ADORA3: variants seen among roughly 807,000 people sequenced by gnomAD.
The protein encoded by ADORA3 is adenosine receptor A3.
ADORA3 carries 3 observed loss-of-function variants against 5.7 expected under a neutral mutation model. The ratio of observed to expected loss-of-function variants is 0.52; its 90% CI spans 0.24 to 1.35. The LOEUF (loss-of-function observed/expected upper bound fraction) is 1.35, where lower values mean the gene tolerates loss of function less well. Among genes scored for constraint, ADORA3 ranks in the 40% most tolerant of loss-of-function variants. The pLI is 0.17. For synonymous variants in ADORA3, 168 were observed against 152.3 expected, an observed-to-expected ratio of 1.10 and a Z score of -0.76; for missense variants, 343 against 389.0, an observed-to-expected ratio of 0.88 and a Z score of 0.99.
chr1:111,502,231 A>AAT lies in ADORA3; in HGVS notation c.350+772_350+773dup, dbSNP rs1352318283. Among the ~76,000 whole-genome samples the AAT allele has an allele frequency of 2.3e-4, 5 of 21,642 alleles. 1 individual carries two copies. The highest frequency in any genetic ancestry group is 4.4e-4 in the African/African-American group (4 of 9,058). The allele number at this position is 21,642 out of a possible 152,430, so 14.2% of individuals were successfully genotyped here. A position where few individuals can be genotyped will look rare whatever the true frequency, so the allele number is the denominator to read the frequency against. ...TATAGGATATATATTTATTATAATGAATATATAGGATATATTTATTATAAT... is the reference window on the plus strand; with the variant it reads ...TATAGGATATATATTTATTATAATGAATATATATAGGATATATTTATTATAAT... On this transcript the variant is annotated intron_variant, in intron 1 of 1. Coordinates refer to ENST00000241356, the MANE Select transcript of ADORA3 (RefSeq NM_000677.4).
At position 111,503,000 on chromosome 1, in the gene ADORA3, G is replaced by A. The variant is rs201612047; in HGVS notation, c.350+5C>T. On this transcript the variant is annotated splice_donor_5th_base_variant and intron_variant, in intron 1 of 1. Transcript: ENST00000241356. ...AATTGCTGCCCACCCCACGCCGCAGGCTACCTGACGGTAAGCTTGACCCGC... is the reference window on the plus strand; with the variant it reads ...AATTGCTGCCCACCCCACGCCGCAGACTACCTGACGGTAAGCTTGACCCGC... 37 of 1,611,856 alleles carry A rather than the reference G, an allele frequency of 2.3e-5. No homozygotes were observed. In the Middle Eastern group the frequency reaches 8.5e-4, roughly 37 times the overall value.
At chr1:111,502,175 A>AT (rs1557824191) in intron 1 of ADORA3, among the ~76,000 whole-genome samples, 33 of 32,914 alleles carry the variant, frequency 1.0e-3, no homozygotes, top group Non-Finnish European at 1.2e-3. Context: ...TATTATAATA[A>AT]ATATATAGGA....
At position 111,499,527 on chromosome 1, in the gene ADORA3, C is replaced by T. The variant is rs3393; in HGVS notation, c.*423G>A. Reference sequence around the variant, plus strand: ...TTTATTTTTTCTGTTCCCAACATCTCCTAGGCATCCTCCGAGAGCAGGTTC... The same window carrying T: ...TTTATTTTTTCTGTTCCCAACATCTTCTAGGCATCCTCCGAGAGCAGGTTC... On this transcript the variant is annotated 3_prime_UTR_variant, in exon 2 of 2. Transcript: ENST00000241356. 537,649 of 1,001,364 alleles carry T rather than the reference C, an allele frequency of 0.54. 147,851 individuals are homozygous for T. Among genetic ancestry groups the T allele is most frequent in the Admixed American group, 0.62 (11,742 of 19,006 alleles). 62.0% of individuals were successfully genotyped at this position (1,001,364 alleles called of 1,614,324 possible).
rs1268650801 is a variant in ADORA3, at chr1:111,503,020, A to C, written c.335T>G (p.Val112Gly). 6.2e-7 allele frequency: 1 copy of C among 1,613,874 alleles called. No individual in the cohort carries two copies. The highest frequency in any genetic ancestry group is 2.2e-5 in the East Asian group (1 of 44,894). Reference protein sequence around the residue: ...LAIAVDRYLRVKLTVRYKRVT... With the variant: ...LAIAVDRYLRGKLTVRYKRVT... ...CGCAGGCTACCTGACGGTAAGCTTG[A>C]CCCGCAAGTATCGGTCCACAGCGAT... Residue 112 changes from valine (V) to glycine (G), a missense_variant, in exon 1 of 2, where the codon GTC becomes GGC. By Grantham distance (109) the Val-to-Gly change is moderately radical. Transcript: ENST00000241356.
intron 1 of ADORA3, among the ~76,000 whole-genome samples, chr1:111,502,229 TGA>T (rs372849277): frequency 5.4e-4 from 12 of 22,400 alleles, no homozygotes; most frequent in Admixed American, 1.7e-3. Flanking sequence ...TTTATTATAA[TGA>T]ATATATAGGA....
At chr1:111,500,740 C>T (rs984766716) in intron 1 of ADORA3, 184 bp from the exon 2 acceptor site, 7 of 612,748 alleles carry the variant, frequency 1.1e-5, no homozygotes, top group African/African-American at 5.5e-5. Context: ...CCACTGGATA[C>T]GAAGACAAGA....
Position 111,499,576 on chromosome 1 carries a change from G to A in ADORA3, c.*374C>T. 4 of 1,026,594 alleles carry A rather than the reference G, an allele frequency of 3.9e-6. No individual in the cohort carries two copies. Among genetic ancestry groups the A allele is most frequent in the African/African-American group, 1.7e-5 (1 of 58,826 alleles). 63.6% of individuals were successfully genotyped at this position (1,026,594 alleles called of 1,614,324 possible). ...TCTCTGCTCAATTCCACAATGGTAT[G>A]GAAATGAGTCACCACCACACACATG... On this transcript the variant is annotated 3_prime_UTR_variant, in exon 2 of 2. Coordinates refer to ENST00000241356, the MANE Select transcript of ADORA3 (RefSeq NM_000677.4).
chr1:111,500,745 A>G (rs754982516), intron 1 of ADORA3, 189 bp from the exon 2 acceptor site: 10 of 607,612 alleles, frequency 1.6e-5, no homozygotes, highest in Non-Finnish European at 2.8e-5. Context: ...GGATACGAAG[A>G]CAAGATGAGC....
intron 1 of ADORA3, chr1:111,501,312 A>G (rs1280921415): frequency 6.6e-6 from 1 of 152,274 alleles, no homozygotes; most frequent in African/African-American, 2.4e-5. Context: ...AAGGACAGTA[A>G]GAGTAAGAGT....
Position 111,500,196 on chromosome 1 carries a change from G to A in ADORA3, c.711C>T (p.Phe237=). The A allele has an allele frequency of 6.2e-7, 1 of 1,614,164 alleles. No homozygotes were observed. The highest frequency in any genetic ancestry group is 1.6e-4 in the Middle Eastern group (1 of 6,062). The change falls in exon 2 of 2, where the codon TTC becomes TTT. Residue 237 remains phenylalanine, a synonymous_variant. Coordinates refer to ENST00000241356, the MANE Select transcript of ADORA3 (RefSeq NM_000677.4). ...KTAKSLFLVL[F]LFALSWLPLS... ...AAGGCAGCCATGACAGAGCAAACAA[G>A]AAAAGAACCAGAAACAAGGACTTAG...
chr1:111,500,451 T>C lies in ADORA3; in HGVS notation c.456A>G (p.Lys152=), dbSNP rs1251228786. Reference sequence around the variant, plus strand: ...CATTTCTGTGGTACTCTGAGGTCAGTTTCATGTTCCAGCCAAACATGGGGG... The same window carrying C: ...CATTTCTGTGGTACTCTGAGGTCAGCTTCATGTTCCAGCCAAACATGGGGG... ...GLTPMFGWNM[K]LTSEYHRNVT... The change falls in exon 2 of 2, where the codon AAA becomes AAG. Residue 152 remains lysine (K), a synonymous_variant. Transcript: ENST00000241356. The C allele has an allele frequency of 6.2e-7, 1 of 1,614,068 alleles. No homozygotes were observed. The highest frequency in any genetic ancestry group is 8.5e-7 in the Non-Finnish European group (1 of 1,180,044).
intron 1 of ADORA3, among the ~76,000 whole-genome samples, chr1:111,502,393 G>A: frequency 7.8e-6 from 1 of 127,470 alleles, no homozygotes; most frequent in Non-Finnish European, 1.7e-5. Flanking sequence ...ATATATATAG[G>A]ATACATATAT....
chr1:111,502,800 G>A (rs968624173), intron 1 of ADORA3, among the ~76,000 whole-genome samples: 6 of 151,940 alleles, frequency 3.9e-5, no homozygotes, highest in Non-Finnish European at 5.9e-5. Context: ...GAAAGGATTG[G>A]AGCATTCCTC....
intron 1 of ADORA3, among the ~76,000 whole-genome samples, chr1:111,502,201 A>G (rs181869488): frequency 0.011 from 249 of 22,950 alleles, 8 homozygotes; most frequent in Middle Eastern, 0.033. Context: ...ATATTATAAT[A>G]AATATATAGG....
chr1:111,500,607 T>G, intron 1 of ADORA3, 51 bp from the exon 2 acceptor site: 1 of 1,556,602 alleles, frequency 6.4e-7, no homozygotes, highest in East Asian at 2.3e-5. Flanking sequence ...TGCTAAAGGG[T>G]AGGGGAGATG....
In ADORA3 at chr1:111,499,626, C is replaced by G; in HGVS notation, c.*324G>C. ...GTTCAGCCCAACTGGAGCCTTTTGTCAGTAAGTCAACTAGGCACCCTTCAG... is the reference window on the plus strand; with the variant it reads ...GTTCAGCCCAACTGGAGCCTTTTGTGAGTAAGTCAACTAGGCACCCTTCAG... On this transcript the variant is annotated 3_prime_UTR_variant, in exon 2 of 2. Transcript: ENST00000241356. The G allele has an allele frequency of 1.8e-6, 2 of 1,115,666 alleles. No individual in the cohort carries two copies. The highest frequency in any genetic ancestry group is 2.2e-6 in the Non-Finnish European group (2 of 908,560). 69.1% of individuals were successfully genotyped at this position (1,115,666 alleles called of 1,614,324 possible).
Position 111,500,228 on chromosome 1 carries a change from T to A in ADORA3, c.679A>T (p.Lys227Ter). Reference protein sequence around the residue: ...ETGAFYGREFKTAKSLFLVLF... With the variant: ...ETGAFYGREF ...ACCAGAAACAAGGACTTAGCCGTCT[T>A]GAACTCCCGTCCATAAAATGCACCT... Residue 227 changes from lysine (K) to a stop codon, truncating the protein, a stop_gained, in exon 2 of 2, where the codon AAG (lysine) becomes TAG (stop). Coordinates refer to ENST00000241356, the MANE Select transcript of ADORA3 (RefSeq NM_000677.4). LOFTEE classifies it low-confidence loss of function (END_TRUNC). 1 of 1,614,172 alleles carries A rather than the reference T, an allele frequency of 6.2e-7. No individual in the cohort carries two copies. The highest frequency in any genetic ancestry group is 1.1e-5 in the South Asian group (1 of 91,086).
Position 111,503,074 on chromosome 1 carries a change from G to A in ADORA3, c.281C>T (p.Thr94Ile). 2 of 1,614,208 alleles carry A rather than the reference G, an allele frequency of 1.2e-6. No homozygotes were observed. Among genetic ancestry groups the A allele is most frequent in the Non-Finnish European group, 8.5e-7 (1 of 1,180,026 alleles). ...LFMTCLLLIF[T>I]HASIMSLLAI... ...CAGCAAGGACATGATGGAGGCGTGG[G>A]TAAAGATAAGCAGTAGGCAAGTCAT... Residue 94 changes from threonine (T) to isoleucine (I), a missense_variant, in exon 1 of 2, where the codon ACC (threonine) becomes ATC (isoleucine). Coordinates refer to ENST00000241356, the MANE Select transcript of ADORA3 (RefSeq NM_000677.4).
rs1444430056 is a variant in ADORA3, at chr1:111,500,320, A to C, written c.587T>G (p.Ile196Ser). The C allele has an allele frequency of 1.2e-6, 2 of 1,614,258 alleles. No individual in the cohort carries two copies. Among genetic ancestry groups the C allele is most frequent in the Admixed American group, 3.3e-5 (2 of 60,030 alleles). ...IFIPLVVMCA[I>S]YLDIFYIIRN... ...AATGATGTAAAAGATGTCAAGATAGATGGCGCACATGACAACCAGGGGGAT... is the reference window on the plus strand; with the variant it reads ...AATGATGTAAAAGATGTCAAGATAGCTGGCGCACATGACAACCAGGGGGAT... The change falls in exon 2 of 2, where the codon ATC (isoleucine) becomes AGC (serine). Residue 196 changes from isoleucine (I) to serine (S), a missense_variant. Physicochemically the swap from Ile to Ser is moderately radical, Grantham distance 142 (BLOSUM62 -2). Transcript: ENST00000241356.
Sources: allele counts gnomAD v4.1 joint callset (sites outside exome capture counted in the v4.1 genomes callset), GRCh38; gene constraint gnomAD v4.1.1; transcripts MANE v1.5; gene names NCBI Gene and HGNC (gene_info 2026-07-23, HGNC 2026-07-21).